Variants in CDK14 observed in about 807,000 individuals in gnomAD.
CDK14 encodes the protein cyclin dependent kinase 14, also known as cyclin-dependent kinase 14.
In CDK14, 34 loss-of-function variants were observed where a neutral mutation model predicts 60.7. That is an observed-to-expected ratio of 0.56 (90% CI 0.43 to 0.75). The LOEUF (loss-of-function observed/expected upper bound fraction) is 0.75. Ranked by LOEUF, CDK14 falls within the 30% of genes least tolerant of loss-of-function variation. CDK14 has a pLI of 0.00. For missense variants in CDK14, 482 were observed against 564.1 expected (o/e 0.85, Z 1.47); for synonymous variants, 197 against 203.7 (o/e 0.97, Z 0.28).
At chr7:91,200,231 A>G (rs1208639481) in intron 14 of CDK14, among the ~76,000 whole-genome samples, 4 of 152,234 alleles carry the variant, frequency 2.6e-5, no homozygotes. Flanking sequence ...GCATCCATAT[A>G]AAATCTACAG....
intron 10 of CDK14, among the ~76,000 whole-genome samples, chr7:90,998,421 C>T (rs1795746402): frequency 6.6e-6 from 1 of 152,038 alleles, no homozygotes; most frequent in South Asian, 2.1e-4. Context: ...GTAAGATTGT[C>T]CTTTCAGGAA....
chr7:90,946,887 G>A (rs1026881789), intron 8 of CDK14, among the ~76,000 whole-genome samples: 2 of 152,044 alleles, frequency 1.3e-5, no homozygotes, highest in Admixed American at 6.6e-5. Context: ...TCCATTTCCC[G>A]CTGTTACCCT....
intron 10 of CDK14, among the ~76,000 whole-genome samples, chr7:90,998,239 A>G (rs925973712): frequency 1.3e-5 from 2 of 152,244 alleles, no homozygotes; most frequent in Non-Finnish European, 2.9e-5. Flanking sequence ...GCTAATTTTT[A>G]CAAGCAATAA....
intron 12 of CDK14, among the ~76,000 whole-genome samples, chr7:91,086,772 T>G (rs1584037013): frequency 1.3e-5 from 2 of 152,094 alleles, no homozygotes; most frequent in East Asian, 3.8e-4. Flanking sequence ...CATTTTTACC[T>G]CTCCTTATGT....
intron 2 of CDK14, among the ~76,000 whole-genome samples, chr7:90,706,814 C>T (rs1801906439): frequency 6.6e-6 from 1 of 152,176 alleles, no homozygotes; most frequent in South Asian, 2.1e-4. Context: ...TCCACTTGGT[C>T]AGTGGGTGCC....
chr7:90,877,266 T>C (rs1458386416), intron 6 of CDK14, among the ~76,000 whole-genome samples: 1 of 152,248 alleles, frequency 6.6e-6, no homozygotes, highest in Non-Finnish European at 1.5e-5. Flanking sequence ...CCGTGTATTA[T>C]TAAGATGTTA....
chr7:90,617,981 A>T (rs1256916867), intron 2 of CDK14, among the ~76,000 whole-genome samples: 1 of 152,244 alleles, frequency 6.6e-6, no homozygotes, highest in South Asian at 2.1e-4. Flanking sequence ...GTGTCAGAAC[A>T]TCTTTCAATG....
At chr7:91,019,853 G>T (rs1465184334) in intron 10 of CDK14, among the ~76,000 whole-genome samples, 1 of 152,108 alleles carries the variant, frequency 6.6e-6, no homozygotes, top group Non-Finnish European at 1.5e-5. Flanking sequence ...TGGCAGAACA[G>T]AAATCCAAAG....
At chr7:90,694,291 A>C (rs1293848256) in intron 2 of CDK14, among the ~76,000 whole-genome samples, 2 of 152,222 alleles carry the variant, frequency 1.3e-5, no homozygotes, top group Non-Finnish European at 2.9e-5. Flanking sequence ...CAGAAGCAGC[A>C]AAGAGGAATA....
chr7:90,741,028 A>G (rs926381945), intron 3 of CDK14, among the ~76,000 whole-genome samples: 12 of 152,178 alleles, frequency 7.9e-5, no homozygotes, highest in African/African-American at 2.7e-4. Context: ...TTTTTGGTCT[A>G]TATTTCATTA....
intron 13 of CDK14, among the ~76,000 whole-genome samples, chr7:91,114,828 C>T (rs961481314): frequency 2.6e-5 from 4 of 152,112 alleles, no homozygotes; most frequent in African/African-American, 7.2e-5. Flanking sequence ...TTTAGAACAA[C>T]GTGGCTGTAC....
intron 5 of CDK14, among the ~76,000 whole-genome samples, chr7:90,829,819 C>T (rs1291876706): frequency 2.6e-5 from 4 of 152,178 alleles, no homozygotes; most frequent in African/African-American, 9.6e-5. Context: ...AGGCATGAGA[C>T]ACTGCCCGGC....
intron 9 of CDK14, among the ~76,000 whole-genome samples, chr7:90,956,791 A>G (rs545268619): frequency 8.1e-6 from 1 of 122,802 alleles, no homozygotes; most frequent in African/African-American, 3.1e-5. Context: ...CAGTCCCCAG[A>G]GTGTGATGTT....
chr7:90,913,240 G>T (rs1181683647), intron 7 of CDK14, among the ~76,000 whole-genome samples: 1 of 152,168 alleles, frequency 6.6e-6, no homozygotes, highest in African/African-American at 2.4e-5. Context: ...ACTCGCTAAA[G>T]CTTGAGTTTT....
chr7:90,816,368 G>A (rs1001596409), intron 5 of CDK14, among the ~76,000 whole-genome samples: 1 of 152,182 alleles, frequency 6.6e-6, no homozygotes, highest in Non-Finnish European at 1.5e-5. Context: ...ATGAAAACTC[G>A]AGCTGCTCAG....
rs1791873209 is a variant in CDK14 at position 90,884,343 on chromosome 7, A to C, written c.640-14948A>C. On this transcript the variant is annotated intron_variant, in intron 6 of 14. Coordinates refer to ENST00000380050, the MANE Select transcript of CDK14 (RefSeq NM_001287135.2). ...TGAACATTCATTCACAATTGCTAGAAAGAGAATAAAATACCTAGGAATAGA... is the reference window on the plus strand; with the variant it reads ...TGAACATTCATTCACAATTGCTAGACAGAGAATAAAATACCTAGGAATAGA... Among the ~76,000 whole-genome samples, 4 of 152,286 alleles carry C rather than the reference A, an allele frequency of 2.6e-5. No individual in the cohort carries two copies. In the South Asian group the frequency reaches 8.3e-4, roughly 32 times the overall value.
chr7:90,723,163 C>G (rs1211239255), intron 2 of CDK14, among the ~76,000 whole-genome samples: 2 of 152,080 alleles, frequency 1.3e-5, no homozygotes, highest in African/African-American at 4.8e-5. Flanking sequence ...TGAATGGATG[C>G]TGAATTTATC....
At chr7:90,764,618 A>T (rs1201568062) in intron 4 of CDK14, among the ~76,000 whole-genome samples, 3 of 152,224 alleles carry the variant, frequency 2.0e-5, no homozygotes, top group Non-Finnish European at 4.4e-5. Flanking sequence ...TGGGGAGATG[A>T]TCTGACAGAA....
intron 14 of CDK14, among the ~76,000 whole-genome samples, chr7:91,147,158 TCTCTCACACACACA>T (rs1220136116): frequency 5.5e-4 from 59 of 107,632 alleles, no homozygotes; most frequent in African/African-American, 1.8e-3. Flanking sequence ...TCTCTCTCTC[TCTCTCACACACACA>T]CACACACACA....
Sources: allele counts gnomAD v4.1 joint callset (sites outside exome capture counted in the v4.1 genomes callset), GRCh38; gene constraint gnomAD v4.1.1; transcripts MANE v1.5; gene names NCBI Gene and HGNC (gene_info 2026-07-23, HGNC 2026-07-21).